The following AMN1 variants were observed in gnomAD, a reference collection of about 807,000 sequenced individuals.
The protein encoded by AMN1 is antagonist of mitotic exit network 1 homolog, also known as protein AMN1 homolog.
AMN1 carries 20 observed loss-of-function variants against 33.0 expected under a neutral mutation model. That is an observed-to-expected ratio of 0.61 (90% CI 0.43 to 0.88). AMN1 has a LOEUF of 0.88. Ranked by LOEUF, AMN1 falls within the 40% of genes least tolerant of loss-of-function variation. The pLI, the probability that AMN1 is intolerant of heterozygous loss-of-function variation, is 0.00. For synonymous variants in AMN1, 114 were observed against 111.9 expected (o/e 1.02, Z -0.12); for missense variants, 246 against 307.4 (o/e 0.80, Z 1.49).
intron 1 of AMN1, among the ~76,000 whole-genome samples, chr12:31,717,726 T>C (rs1939731093): frequency 6.6e-6 from 1 of 152,182 alleles, no homozygotes; most frequent in Admixed American, 6.5e-5. Flanking sequence ...AATTTTACTT[T>C]AAGTTCTGAG....
At chr12:31,720,440 T>C (rs560132477) in intron 1 of AMN1, among the ~76,000 whole-genome samples, 1 of 151,996 alleles carries the variant, frequency 6.6e-6, no homozygotes, top group East Asian at 1.9e-4. Context: ...CTTGGGAGGC[T>C]GAGGCAGGAA....
intron 1 of AMN1, among the ~76,000 whole-genome samples, chr12:31,713,160 A>C (rs377279086): frequency 6.6e-6 from 1 of 152,132 alleles, no homozygotes; most frequent in African/African-American, 2.4e-5. Context: ...TACATGCTCT[A>C]TATATTCAGA....
At chr12:31,681,543 T>C (rs1565761779) in intron 6 of AMN1, among the ~76,000 whole-genome samples, 1 of 151,932 alleles carries the variant, frequency 6.6e-6, no homozygotes, top group Non-Finnish European at 1.5e-5. Flanking sequence ...GCATTATTAT[T>C]AATATTAGAT....
intron 2 of AMN1, among the ~76,000 whole-genome samples, chr12:31,707,638 T>A (rs1260902483): frequency 6.6e-6 from 1 of 152,238 alleles, no homozygotes; most frequent in Non-Finnish European, 1.5e-5. Context: ...TTAGGACATA[T>A]GAATTAAATA....
At chr12:31,696,862 A>G (rs1161533454) in intron 5 of AMN1, among the ~76,000 whole-genome samples, 1 of 151,604 alleles carries the variant, frequency 6.6e-6, no homozygotes, top group African/African-American at 2.4e-5. Context: ...TGGAGGTTCC[A>G]GTGAGCCGAG....
intron 1 of AMN1, 78 bp downstream of exon 1, chr12:31,728,893 G>C (rs1592183618): frequency 2.7e-6 from 4 of 1,467,422 alleles, no homozygotes; most frequent in East Asian, 2.6e-5. Context: ...GGGGCGGGGA[G>C]GAAGAGCAGC....
chr12:31,720,088 T>C (rs78838210), intron 1 of AMN1, among the ~76,000 whole-genome samples: 3,197 of 152,364 alleles, frequency 0.021, 130 homozygotes, highest in African/African-American at 0.072. Context: ...TGCTTTACTT[T>C]TTTCTTTTAA....
chr12:31,725,765 G>A (rs1940037392), intron 1 of AMN1, among the ~76,000 whole-genome samples: 1 of 152,130 alleles, frequency 6.6e-6, no homozygotes, highest in South Asian at 2.1e-4. Context: ...GCACCATCTT[G>A]GCTCACTCCA....
At chr12:31,703,133 C>T (rs935488683) in intron 2 of AMN1, among the ~76,000 whole-genome samples, 2 of 152,192 alleles carry the variant, frequency 1.3e-5, no homozygotes, top group African/African-American at 4.8e-5. Flanking sequence ...TTTTACAAAT[C>T]GGGAATTAAG....
At chr12:31,698,887 C>G (rs1194666127) in intron 3 of AMN1, among the ~76,000 whole-genome samples, 1 of 152,030 alleles carries the variant, frequency 6.6e-6, no homozygotes, top group Non-Finnish European at 1.5e-5. Context: ...GACCGGAGTG[C>G]CTTTTGTTAG....
chr12:31,686,132 G>A (rs1479697965), intron 6 of AMN1, among the ~76,000 whole-genome samples: 1 of 152,062 alleles, frequency 6.6e-6, no homozygotes, highest in Non-Finnish European at 1.5e-5. Context: ...AACCACTCCA[G>A]TATATTTTCC....
At chr12:31,678,954 CT>C (rs1191532850) in intron 6 of AMN1, among the ~76,000 whole-genome samples, 1 of 151,992 alleles carries the variant, frequency 6.6e-6, no homozygotes, top group Non-Finnish European at 1.5e-5. Context: ...ATGAGTTCTC[CT>C]TTAAGCAAGG....
rs535282153 is a variant in AMN1, at chr12:31,726,057, C to T, written c.38+2914G>A. On this transcript the variant is annotated intron_variant, in intron 1 of 6. Coordinates refer to ENST00000281471, the MANE Select transcript of AMN1 (RefSeq NM_001113402.2). ...TATTCTAACTGCCTGCTTGATATTT[C>T]TACTGGATATTCTGATTCATTTTCC... Among the ~76,000 whole-genome samples, 181 of 152,246 alleles carry T rather than the reference C, an allele frequency of 1.2e-3. 1 individual carries two copies. The highest frequency in any genetic ancestry group is 2.3e-3 in the Non-Finnish European group (159 of 68,028).
In AMN1 at chr12:31,697,928, A is replaced by G; in HGVS notation, c.346T>C (p.Tyr116His). 1 of 1,614,046 alleles carries G rather than the reference A, an allele frequency of 6.2e-7. No individual in the cohort carries two copies. Among genetic ancestry groups the G allele is most frequent in the Non-Finnish European group, 8.5e-7 (1 of 1,179,878 alleles). ...GIKAVASSCS[Y>H]LHEASLKRCC... ...CTTTTCAAAGAAGCTTCGTGTAGGTATGAACAAGATGAAGCCACAGCTTTT... is the reference window on the plus strand; with the variant it reads ...CTTTTCAAAGAAGCTTCGTGTAGGTGTGAACAAGATGAAGCCACAGCTTTT... Residue 116 changes from tyrosine (Y) to histidine (H), a missense_variant, in exon 4 of 7, where the codon TAC (tyrosine) becomes CAC (histidine). Tyr to His is a moderately conservative substitution (Grantham distance 83). Transcript: ENST00000281471.
At chr12:31,677,160 C>T (rs879686535) in intron 6 of AMN1, among the ~76,000 whole-genome samples, 6 of 152,080 alleles carry the variant, frequency 3.9e-5, no homozygotes, top group South Asian at 2.1e-4. Context: ...ATTAGCTGGG[C>T]GTAGTGGCGT....
chr12:31,728,769 C>T (rs192578843), intron 1 of AMN1, among the ~76,000 whole-genome samples: 1 of 152,268 alleles, frequency 6.6e-6, no homozygotes, highest in East Asian at 1.9e-4. Flanking sequence ...AGGGGCAAGC[C>T]CGCCAAGAGA....
At chr12:31,681,246 G>A (rs974228502) in intron 6 of AMN1, among the ~76,000 whole-genome samples, 1 of 151,276 alleles carries the variant, frequency 6.6e-6, no homozygotes, top group South Asian at 2.1e-4. Context: ...TATTTTTTTT[G>A]AGACGAAGTT....
At chr12:31,684,620 G>A (rs545194946) in intron 6 of AMN1, among the ~76,000 whole-genome samples, 36 of 151,860 alleles carry the variant, frequency 2.4e-4, no homozygotes, top group Admixed American at 7.9e-4. Flanking sequence ...ACAGGCGCCC[G>A]CCACCATGCC....
intron 5 of AMN1, among the ~76,000 whole-genome samples, chr12:31,693,277 G>GC (rs1938582167): frequency 6.6e-6 from 1 of 151,812 alleles, no homozygotes; most frequent in South Asian, 2.1e-4. Context: ...CGCTCTTGTT[G>GC]CCCAGGCTGG....
Sources: allele counts gnomAD v4.1 joint callset (sites outside exome capture counted in the v4.1 genomes callset), GRCh38; gene constraint gnomAD v4.1.1; transcripts MANE v1.5; gene names NCBI Gene and HGNC (gene_info 2026-07-23, HGNC 2026-07-21).